Variants in PRKCA observed in about 807,000 individuals in gnomAD.
The protein encoded by PRKCA is protein kinase C alpha type.
Under a neutral mutation model 87.0 loss-of-function variants are expected in PRKCA, and 27 were observed. The ratio of observed to expected loss-of-function variants is 0.31; its 90% CI spans 0.23 to 0.43. The LOEUF is 0.43. Among genes scored for constraint, PRKCA ranks in the 20% least tolerant of loss-of-function variants. The pLI is 1.00. For missense variants in PRKCA, 518 were observed against 852.3 expected, an observed-to-expected ratio of 0.61 and a Z score of 4.88; for synonymous variants, 329 against 311.1, an observed-to-expected ratio of 1.06 and a Z score of -0.61.
chr17:66,587,889 GTGTGTGTATATATATATATATATATATA>G (rs1969665965), intron 3 of PRKCA, among the ~76,000 whole-genome samples: 1 of 94,230 alleles, frequency 1.1e-5, no homozygotes, highest in Non-Finnish European at 2.0e-5. Flanking sequence ...GTGTGTGTGT[GTGTGTGTATATATATATATATATATATA>G]TATATATATA....
At chr17:66,333,275 A>C (rs1325641436) in intron 2 of PRKCA, among the ~76,000 whole-genome samples, 2 of 152,254 alleles carry the variant, frequency 1.3e-5, no homozygotes, top group South Asian at 2.1e-4. Flanking sequence ...CTAACAAACT[A>C]TAGCAAATAA....
chr17:66,345,461 A>G (rs1907301524), intron 2 of PRKCA, among the ~76,000 whole-genome samples: 1 of 152,196 alleles, frequency 6.6e-6, no homozygotes, highest in African/African-American at 2.4e-5. Flanking sequence ...TAGTTTTATA[A>G]GGAAATCCGT....
At chr17:66,710,752 G>A (rs1434752721) in intron 8 of PRKCA, among the ~76,000 whole-genome samples, 2 of 152,018 alleles carry the variant, frequency 1.3e-5, no homozygotes, top group Non-Finnish European at 2.9e-5. Flanking sequence ...TTTACCTGCT[G>A]GGCACGGTGG....
chr17:66,645,148 T>G (rs1027261172), intron 4 of PRKCA, among the ~76,000 whole-genome samples: 1 of 152,262 alleles, frequency 6.6e-6, no homozygotes, highest in Non-Finnish European at 1.5e-5. Context: ...CTGGGATATT[T>G]TGCTTCAGTG....
Position 66,803,282 on chromosome 17 carries a change from G to C in PRKCA, c.1855-591G>C, listed in dbSNP as rs1192833649. Among the ~76,000 whole-genome samples, 3 of 152,212 alleles carry C rather than the reference G, an allele frequency of 2.0e-5. No individual in the cohort carries two copies. The highest frequency in any genetic ancestry group is 4.4e-5 in the Non-Finnish European group (3 of 68,042). On this transcript the variant is annotated intron_variant, in intron 16 of 16. Transcript: ENST00000413366. The surrounding 1 kb of genome is among the most constrained non-coding windows in gnomAD (Gnocchi z 4.4). The stretch of plus-strand genomic sequence containing the variant: ...CTCTGTCTAGGTGTGCTAAATCCTA[G>C]CTGGGCCAGGTGCAAATCTCCCAGC...
chr17:66,781,025 C>G (rs534336702), intron 14 of PRKCA, among the ~76,000 whole-genome samples: 2 of 152,214 alleles, frequency 1.3e-5, no homozygotes, highest in African/African-American at 4.8e-5. Flanking sequence ...AAGAGAATCA[C>G]TTGAACCCAG....
chr17:66,740,104 C>A (rs1007558621), intron 11 of PRKCA, among the ~76,000 whole-genome samples: 1 of 151,830 alleles, frequency 6.6e-6, no homozygotes, highest in Non-Finnish European at 1.5e-5. Context: ...TCCAGTGAGA[C>A]CCCATTTCAG....
Position 66,742,645 on chromosome 17 carries a change from T to C in PRKCA, c.1409T>C (p.Met470Thr), listed in dbSNP as rs1568007965. Residue 470 changes from methionine to threonine, a missense_variant, in exon 13 of 17, where the codon ATG becomes ACG. Coordinates refer to ENST00000413366, the MANE Select transcript of PRKCA (RefSeq NM_002737.3). ...AGGGATCTGAAGTTAGATAACGTCATGTTGGATTCAGAAGGACATATCAAA... is the reference window on the plus strand; with the variant it reads ...AGGGATCTGAAGTTAGATAACGTCACGTTGGATTCAGAAGGACATATCAAA... The part of the protein sequence containing the change: ...IYRDLKLDNV[M>T]LDSEGHIKIA... 6.2e-7 allele frequency: 1 copy of C among 1,614,050 alleles called. No homozygotes were observed.
At chr17:66,431,126 G>A (rs1340228988) in intron 2 of PRKCA, among the ~76,000 whole-genome samples, 3 of 152,178 alleles carry the variant, frequency 2.0e-5, no homozygotes, top group Non-Finnish European at 4.4e-5. Context: ...CTTTCAGAAT[G>A]CTTACTTTCT....
At chr17:66,767,070 A>G (rs1443534053) in intron 13 of PRKCA, among the ~76,000 whole-genome samples, 2 of 152,194 alleles carry the variant, frequency 1.3e-5, no homozygotes, top group Admixed American at 6.5e-5. Context: ...ATAAAATTAT[A>G]TCTTTAAAAT....
At chr17:66,523,395 G>GT (rs1161583791) in intron 3 of PRKCA, among the ~76,000 whole-genome samples, 1 of 152,168 alleles carries the variant, frequency 6.6e-6, no homozygotes, top group Non-Finnish European at 1.5e-5. Context: ...TTTATTGGTT[G>GT]TATGACCTTG....
intron 2 of PRKCA, among the ~76,000 whole-genome samples, chr17:66,363,153 C>G (rs1005609413): frequency 2.6e-5 from 4 of 152,214 alleles, no homozygotes; most frequent in African/African-American, 9.7e-5. Flanking sequence ...GTTTTGCTTT[C>G]ACAGGTATGT....
intron 3 of PRKCA, among the ~76,000 whole-genome samples, chr17:66,541,682 CCA>C (rs1212757990): frequency 1.3e-5 from 2 of 152,178 alleles, no homozygotes; most frequent in Non-Finnish European, 2.9e-5. Flanking sequence ...CATACACAAG[CCA>C]CAAAGACTTT....
chr17:66,772,542 C>T (rs1382844707), intron 13 of PRKCA, among the ~76,000 whole-genome samples: 5 of 151,844 alleles, frequency 3.3e-5, no homozygotes, highest in East Asian at 1.9e-4. Flanking sequence ...AAGTTGTAAG[C>T]GAAATGGCAG....
intron 2 of PRKCA, among the ~76,000 whole-genome samples, chr17:66,402,253 G>A (rs753300274): frequency 6.6e-6 from 1 of 152,132 alleles, no homozygotes; most frequent in South Asian, 2.1e-4. Flanking sequence ...ATACCAGGCC[G>A]TGTGAAGATC....
chr17:66,730,127 CA>C (rs1435630117), intron 8 of PRKCA, among the ~76,000 whole-genome samples: 3 of 152,142 alleles, frequency 2.0e-5, no homozygotes, highest in Non-Finnish European at 4.4e-5. Flanking sequence ...AAGCATCACC[CA>C]ACAGCACAGC....
At chr17:66,490,025 C>T (rs1916166813) in intron 2 of PRKCA, among the ~76,000 whole-genome samples, 1 of 152,230 alleles carries the variant, frequency 6.6e-6, no homozygotes, top group East Asian at 1.9e-4. Flanking sequence ...AAGTGATCTG[C>T]CTGTCTTGGC....
rs779189642 is a variant in PRKCA at position 66,803,333 on chromosome 17, G to A, written c.1855-540G>A. Among the ~76,000 whole-genome samples the A allele has an allele frequency of 1.2e-4, 18 of 152,170 alleles. No homozygotes were observed. Among genetic ancestry groups the A allele is most frequent in the Non-Finnish European group, 2.4e-4 (16 of 68,034 alleles). On this transcript the variant is annotated intron_variant, in intron 16 of 16. Transcript: ENST00000413366. The surrounding 1 kb of genome is among the most constrained non-coding windows in gnomAD (Gnocchi z 4.4). Reference sequence around the variant, plus strand: ...CTTGCCGCCACACCTACCTCATATCGCTTGAAGCTTAATTTAGGGGCTGGG... The same window carrying A: ...CTTGCCGCCACACCTACCTCATATCACTTGAAGCTTAATTTAGGGGCTGGG...
intron 3 of PRKCA, among the ~76,000 whole-genome samples, chr17:66,523,047 G>C (rs933286548): frequency 6.6e-6 from 1 of 152,150 alleles, no homozygotes; most frequent in Non-Finnish European, 1.5e-5. Context: ...GGATGGGAAG[G>C]ATTAAAGTTT....
Sources: gnomAD v4.1 joint callset for allele counts (sites outside exome capture counted in the v4.1 genomes callset) on GRCh38, gnomAD v4.1.1 for gene constraint, Gnocchi (gnomAD v3.1) non-coding constraint, MANE v1.5 for transcripts, NCBI Gene and HGNC (gene_info 2026-07-23, HGNC 2026-07-21) for gene names.